NCKAP5: variants seen among roughly 807,000 people sequenced by gnomAD.
NCKAP5 encodes nck-associated protein 5.
In NCKAP5, 92 loss-of-function variants were observed where a neutral mutation model predicts 167.0. The observed-to-expected ratio is 0.55, with a 90% confidence interval of 0.47 to 0.66. NCKAP5 has a LOEUF of 0.66. NCKAP5 is among the 30% of genes least tolerant of loss of function. The pLI, the probability that NCKAP5 is intolerant of heterozygous loss-of-function variation, is 0.00. For synonymous variants in NCKAP5, 891 were observed against 877.4 expected (o/e 1.02, Z -0.27); for missense variants, 2,378 against 2,315.0 (o/e 1.03, Z -0.56).
At chr2:133,625,887 A>G in the NCKAP5 span, among the ~76,000 whole-genome samples, 1 of 151,396 alleles carries the variant, frequency 6.6e-6, no homozygotes, top group East Asian at 1.9e-4. Context: ...AAAAAAAAAA[A>G]GAATAATAAG....
intron 6 of NCKAP5, among the ~76,000 whole-genome samples, chr2:133,080,809 C>T (rs774444651): frequency 1.1e-4 from 17 of 151,836 alleles, no homozygotes; most frequent in Non-Finnish European, 2.1e-4. Flanking sequence ...CATTAGGAGT[C>T]GAGTACTGTA....
intron 7 of NCKAP5, among the ~76,000 whole-genome samples, chr2:132,977,309 A>G (rs141211613): frequency 9.6e-4 from 146 of 152,344 alleles, no homozygotes; most frequent in African/African-American, 3.4e-3. Flanking sequence ...CATTTTTTAA[A>G]CAAGTATTTT....
intron 19 of NCKAP5, among the ~76,000 whole-genome samples, chr2:132,682,732 CT>C (rs1007103986): frequency 1.3e-5 from 2 of 152,118 alleles, no homozygotes; most frequent in Admixed American, 1.3e-4. Flanking sequence ...TCTAAAGCTT[CT>C]TTTGATCTTC....
At chr2:133,367,692 A>C (rs1197530995) in intron 3 of NCKAP5, among the ~76,000 whole-genome samples, 1 of 152,160 alleles carries the variant, frequency 6.6e-6, no homozygotes, top group South Asian at 2.1e-4. Context: ...CCCCTAGCAA[A>C]CATGGAGGCA....
At chr2:133,082,205 A>C (rs1291023152) in intron 6 of NCKAP5, among the ~76,000 whole-genome samples, 1 of 152,128 alleles carries the variant, frequency 6.6e-6, no homozygotes, top group Non-Finnish European at 1.5e-5. Flanking sequence ...TGAAGGGTAC[A>C]TTAATAAATA....
Position 132,765,461 on chromosome 2 carries a change from C to T in NCKAP5, c.5128+8355G>A, listed in dbSNP as rs139581602. Among the ~76,000 whole-genome samples the T allele has an allele frequency of 5.7e-3, 864 of 151,922 alleles. 11 individuals are homozygous for T. The highest frequency in any genetic ancestry group is 0.018 in the African/African-American group (761 of 41,452). On this transcript the variant is annotated intron_variant, in intron 16 of 19. Coordinates refer to ENST00000409261, the MANE Select transcript of NCKAP5 (RefSeq NM_207363.3). The stretch of plus-strand genomic sequence containing the variant: ...TGCCAAGTAGCTGTGACTACAGGCG[C>T]GTGGCACCACGCGCAGCTAATTTTT...
chr2:133,221,357 AACTT>A (rs149881374), intron 4 of NCKAP5, among the ~76,000 whole-genome samples: 1,878 of 152,294 alleles, frequency 0.012, 39 homozygotes, highest in African/African-American at 0.043. Context: ...AAGTATTTAA[AACTT>A]ACTTATGTTT....
At chr2:132,917,825 C>T (rs1161819862) in intron 8 of NCKAP5, among the ~76,000 whole-genome samples, 1 of 152,106 alleles carries the variant, frequency 6.6e-6, no homozygotes, top group African/African-American at 2.4e-5. Context: ...CACTCTGTCA[C>T]TTAACTCTAA....
chr2:133,536,696 T>C (rs1685790767), intron 2 of NCKAP5, among the ~76,000 whole-genome samples: 1 of 152,020 alleles, frequency 6.6e-6, no homozygotes, highest in Non-Finnish European at 1.5e-5. Context: ...TTTTTTTATA[T>C]ATTCTGGTTA....
At chr2:132,769,487 C>T (rs67540832) in intron 16 of NCKAP5, among the ~76,000 whole-genome samples, 19,933 of 151,882 alleles carry the variant, frequency 0.13, 1,362 homozygotes, top group Middle Eastern at 0.15. Context: ...TTAGGTTAGA[C>T]AACATGAAGA....
chr2:133,574,603 CTTT>C, the NCKAP5 span, among the ~76,000 whole-genome samples: 9 of 127,208 alleles, frequency 7.1e-5, no homozygotes, highest in Non-Finnish European at 8.3e-5. Context: ...TTCTTCTTTC[CTTT>C]TTTTTTTTTT....
intron 3 of NCKAP5, among the ~76,000 whole-genome samples, chr2:133,450,431 G>A (rs1482141640): frequency 2.6e-5 from 4 of 152,074 alleles, no homozygotes; most frequent in East Asian, 1.9e-4. Flanking sequence ...CCATTAATGC[G>A]GCCTATGGTA....
intron 5 of NCKAP5, among the ~76,000 whole-genome samples, chr2:133,175,302 T>C (rs1266013484): frequency 1.3e-5 from 2 of 152,226 alleles, no homozygotes; most frequent in East Asian, 3.8e-4. Context: ...TTTTTTGCCC[T>C]AGTTTGTCTG....
intron 2 of NCKAP5, among the ~76,000 whole-genome samples, chr2:133,557,795 G>T (rs961752991): frequency 9.2e-5 from 14 of 152,182 alleles, no homozygotes; most frequent in African/African-American, 3.1e-4. Flanking sequence ...TCGGCACTTT[G>T]GGAAAACAGG....
At chr2:133,598,666 A>T in the NCKAP5 span, among the ~76,000 whole-genome samples, 1 of 152,228 alleles carries the variant, frequency 6.6e-6, no homozygotes, top group Admixed American at 6.5e-5. Context: ...AAGGTGGAAG[A>T]GATGGGGAGT....
chr2:133,115,888 G>A (rs1249930018), intron 6 of NCKAP5, among the ~76,000 whole-genome samples: 1 of 147,226 alleles, frequency 6.8e-6, no homozygotes, highest in Non-Finnish European at 1.5e-5. Flanking sequence ...GCTTTTTCCG[G>A]TGATTGATTA....
At chr2:132,823,097 G>A (rs1401854549) in intron 11 of NCKAP5, among the ~76,000 whole-genome samples, 1 of 152,204 alleles carries the variant, frequency 6.6e-6, no homozygotes, top group Non-Finnish European at 1.5e-5. Flanking sequence ...TGTCCCTGAG[G>A]AAGAGAAATC....
chr2:132,979,568 C>G (rs1255062477), intron 7 of NCKAP5, among the ~76,000 whole-genome samples: 1 of 152,180 alleles, frequency 6.6e-6, no homozygotes, highest in African/African-American at 2.4e-5. Flanking sequence ...AAACATCAGG[C>G]CGCTTGTGAG....
At chr2:133,252,088 A>T (rs1436074938) in intron 4 of NCKAP5, among the ~76,000 whole-genome samples, 1 of 152,220 alleles carries the variant, frequency 6.6e-6, no homozygotes, top group East Asian at 1.9e-4. Context: ...AGGGAAAGAT[A>T]GGCTCAGTGA....
Sources: allele counts gnomAD v4.1 joint callset (sites outside exome capture counted in the v4.1 genomes callset), GRCh38; gene constraint gnomAD v4.1.1; transcripts MANE v1.5; gene names NCBI Gene and HGNC (gene_info 2026-07-23, HGNC 2026-07-21).